NR5A2: variants seen among roughly 807,000 people sequenced by gnomAD.
The protein encoded by NR5A2 is nuclear receptor subfamily 5 group A member 2.
NR5A2 carries 26 observed loss-of-function variants against 62.7 expected under a neutral mutation model. The ratio of observed to expected loss-of-function variants is 0.41; its 90% CI spans 0.30 to 0.58. NR5A2 has a LOEUF of 0.58. Among genes scored for constraint, NR5A2 ranks in the 20% least tolerant of loss-of-function variants. NR5A2 has a pLI of 0.22. For missense variants in NR5A2, 541 were observed against 669.1 expected, an observed-to-expected ratio of 0.81 and a Z score of 2.11; for synonymous variants, 246 against 241.7, an observed-to-expected ratio of 1.02 and a Z score of -0.16.
chr1:200,142,408 G>A (rs1295802985), intron 7 of NR5A2, among the ~76,000 whole-genome samples: 1 of 151,512 alleles, frequency 6.6e-6, no homozygotes, highest in African/African-American at 2.4e-5. Flanking sequence ...ATCTTGGCCA[G>A]GTTGGTCTCG....
Position 200,091,480 on chromosome 1 carries a change from CTT to C in NR5A2, c.1111-19720_1111-19719del, listed in dbSNP as rs1664810808. Among the ~76,000 whole-genome samples, 3 of 125,018 alleles carry C rather than the reference CTT, an allele frequency of 2.4e-5. No individual in the cohort carries two copies. The South Asian group carries it at 8.3e-4, about 35-fold the overall frequency. 82.0% of individuals were successfully genotyped at this position (125,018 alleles called of 152,430 possible). On this transcript the variant is annotated intron_variant, in intron 5 of 7. Transcript: ENST00000367362. ...TTTGCACCTCCTTACCCTTTGCTCT[CTT>C]TCTTTTTTTTTTTTTTTTTTGAGAC...
rs566202215 is a variant in NR5A2, at chr1:200,057,768, A to G, written c.1110+8950A>G. On this transcript the variant is annotated intron_variant, in intron 5 of 7. Coordinates refer to ENST00000367362, the MANE Select transcript of NR5A2 (RefSeq NM_205860.3). ...AGTGCTGGGATTATGGGCATGAGCC[A>G]CTGCGCCTGGCCGTAATTGTGCTTT... 150 of 206,266 alleles carry G rather than the reference A, an allele frequency of 7.3e-4. 2 individuals carry two copies. The South Asian group carries it at 8.4e-3, about 12-fold the overall frequency. The allele number at this position is 206,266 out of a possible 1,614,324, so 12.8% of individuals were successfully genotyped here.
At chr1:200,098,995 T>C (rs1305693136) in intron 5 of NR5A2, among the ~76,000 whole-genome samples, 1 of 152,232 alleles carries the variant, frequency 6.6e-6, no homozygotes, top group Admixed American at 6.5e-5. Flanking sequence ...CCATCTTCAA[T>C]TGCTACTACT....
intron 5 of NR5A2, among the ~76,000 whole-genome samples, chr1:200,064,628 C>T (rs1663386197): frequency 6.6e-6 from 1 of 152,126 alleles, no homozygotes; most frequent in South Asian, 2.1e-4. Flanking sequence ...AAAACTTAAG[C>T]ATCGGGGGCC....
At chr1:200,071,519 A>C (rs1663737309) in intron 5 of NR5A2, among the ~76,000 whole-genome samples, 1 of 152,232 alleles carries the variant, frequency 6.6e-6, no homozygotes, top group African/African-American at 2.4e-5. Context: ...CAAATCTGGA[A>C]GTTAAATTGT....
At chr1:200,067,227 A>C (rs1053914736) in intron 5 of NR5A2, among the ~76,000 whole-genome samples, 1 of 152,242 alleles carries the variant, frequency 6.6e-6, no homozygotes, top group African/African-American at 2.4e-5. Context: ...AAAGGAACAC[A>C]GGAACAGAAA....
At chr1:200,102,213 A>G (rs1460651502) in intron 5 of NR5A2, among the ~76,000 whole-genome samples, 5 of 152,202 alleles carry the variant, frequency 3.3e-5, no homozygotes, top group African/African-American at 1.2e-4. Context: ...ACTTTGAAAG[A>G]ATTTTTAAAA....
At chr1:200,060,126 TCTC>T (rs1663130416) in intron 5 of NR5A2, among the ~76,000 whole-genome samples, 3 of 152,154 alleles carry the variant, frequency 2.0e-5, no homozygotes, top group Admixed American at 1.3e-4. Flanking sequence ...TTCTTTATCT[TCTC>T]CTCTCTCCTC....
chr1:200,053,569 GCACACACACACACA>G (rs34611924), intron 5 of NR5A2, among the ~76,000 whole-genome samples: 9 of 141,992 alleles, frequency 6.3e-5, no homozygotes, highest in Non-Finnish European at 9.1e-5. Context: ...GCATGCACAC[GCACACACACACACA>G]CACACACACA....
intron 7 of NR5A2, among the ~76,000 whole-genome samples, chr1:200,140,196 G>T (rs952307536): frequency 6.6e-6 from 1 of 151,786 alleles, no homozygotes; most frequent in Non-Finnish European, 1.5e-5. Flanking sequence ...TATATCTTCT[G>T]TGTAGATTAT....
chr1:200,120,355 T>G (rs1326206244), intron 6 of NR5A2, among the ~76,000 whole-genome samples: 1 of 152,232 alleles, frequency 6.6e-6, no homozygotes, highest in African/African-American at 2.4e-5. Flanking sequence ...ACCTTATTCA[T>G]GAGAGTTAAA....
chr1:200,051,034 T>C (rs975546657), intron 5 of NR5A2, among the ~76,000 whole-genome samples: 13 of 152,192 alleles, frequency 8.5e-5, no homozygotes, highest in African/African-American at 3.1e-4. Context: ...ATTACATGTG[T>C]TATAGAGTAG....
At chr1:200,122,478 T>G (rs1315811107) in intron 7 of NR5A2, among the ~76,000 whole-genome samples, 1 of 152,230 alleles carries the variant, frequency 6.6e-6, no homozygotes, top group Non-Finnish European at 1.5e-5. Context: ...CATTTGAAGA[T>G]GTACATATTA....
chr1:200,039,063 C>T lies in NR5A2; in HGVS notation c.65-595C>T, dbSNP rs1029394347. Reference sequence around the variant, plus strand: ...CCTCGGGGCTGGGAAGGGCCGTTCTCGGTCCCGCGCGGGGAGTGGACCAGG... The same window carrying T: ...CCTCGGGGCTGGGAAGGGCCGTTCTTGGTCCCGCGCGGGGAGTGGACCAGG... On this transcript the variant is annotated intron_variant, in intron 1 of 7. Transcript: ENST00000367362. The surrounding 1 kb of genome is among the most constrained non-coding windows in gnomAD (Gnocchi z 5.1). Among the ~76,000 whole-genome samples, 1 of 152,060 alleles carries T rather than the reference C, an allele frequency of 6.6e-6. No individual in the cohort carries two copies. The highest frequency in any genetic ancestry group is 1.5e-5 in the Non-Finnish European group (1 of 68,012).
intron 7 of NR5A2, among the ~76,000 whole-genome samples, chr1:200,151,147 A>G (rs1387815047): frequency 6.6e-6 from 1 of 152,110 alleles, no homozygotes; most frequent in African/African-American, 2.4e-5. Flanking sequence ...TCTTTCACTC[A>G]TCCCACTGGA....
At chr1:200,164,139 G>A (rs543419811) in intron 7 of NR5A2, among the ~76,000 whole-genome samples, 5 of 151,980 alleles carry the variant, frequency 3.3e-5, no homozygotes, top group Admixed American at 6.6e-5. Flanking sequence ...ACCCTCACCC[G>A]CCACCATGAT....
chr1:200,059,434 G>C lies in NR5A2; in HGVS notation c.1110+10616G>C, dbSNP rs538319689. On this transcript the variant is annotated intron_variant, in intron 5 of 7. Transcript: ENST00000367362. ...TCTGCCTAGAAGTAGCCACATGCTT[G>C]TTTGCTGAGAATAATTAGGGTCCCT... 6.6e-5 allele frequency among the ~76,000 whole-genome samples: 10 copies of C among 152,262 alleles called. No individual in the cohort carries two copies. In the South Asian group the frequency reaches 2.1e-3, roughly 32 times the overall value.
rs199991607 is a variant in NR5A2 at position 200,059,648 on chromosome 1, AAC to A, written c.1110+10838_1110+10839del. Among the ~76,000 whole-genome samples the A allele has an allele frequency of 7.7e-3, 1,168 of 152,220 alleles. 13 individuals are homozygous for A. Among genetic ancestry groups the A allele is most frequent in the Non-Finnish European group, 0.012 (805 of 67,994 alleles). The stretch of plus-strand genomic sequence containing the variant: ...TTAAACACATACACACATGCACACA[AAC>A]ACACACAGAAAACATGACTCATATG... On this transcript the variant is annotated intron_variant, in intron 5 of 7. Transcript: ENST00000367362.
chr1:200,149,227 T>G (rs1667875527), intron 7 of NR5A2, among the ~76,000 whole-genome samples: 1 of 152,224 alleles, frequency 6.6e-6, no homozygotes, highest in African/African-American at 2.4e-5. Flanking sequence ...CAGTACACTT[T>G]TAGACAGAGT....
Sources: allele counts gnomAD v4.1 joint callset (sites outside exome capture counted in the v4.1 genomes callset), GRCh38; gene constraint gnomAD v4.1.1; non-coding constraint Gnocchi (gnomAD v3.1); transcripts MANE v1.5; gene names NCBI Gene and HGNC (gene_info 2026-07-23, HGNC 2026-07-21).